The following EFTUD2 variants were observed in gnomAD, a reference collection of about 807,000 sequenced individuals.
EFTUD2 encodes the protein 116 kDa U5 small nuclear ribonucleoprotein component.
EFTUD2 carries 9 observed loss-of-function variants against 114.3 expected under a neutral mutation model. The observed-to-expected ratio is 0.08, with a 90% CI of 0.05 to 0.14. EFTUD2 has a LOEUF of 0.14. Ranked by LOEUF, EFTUD2 falls within the 10% of genes least tolerant of loss-of-function variation. The pLI is 1.00. For missense variants in EFTUD2, 765 were observed against 1,241.2 expected (o/e 0.62, Z 5.76); for synonymous variants, 449 against 462.3 (o/e 0.97, Z 0.37).
At position 44,875,130 on chromosome 17, in the gene EFTUD2, C is replaced by T. The variant is rs554006246; in HGVS notation, c.869+804G>A. Reference sequence around the variant, plus strand: ...TCTGTAATGCTAGCACTTTGGAAGGCCAAGGTGGAAGAATTGCTTGAGGCC... The same window carrying T: ...TCTGTAATGCTAGCACTTTGGAAGGTCAAGGTGGAAGAATTGCTTGAGGCC... On this transcript the variant is annotated intron_variant, in intron 10 of 27. Transcript: ENST00000426333. Among the ~76,000 whole-genome samples the T allele has an allele frequency of 8.6e-5, 13 of 151,950 alleles. No homozygotes were observed. The South Asian group carries it at 2.7e-3, about 32-fold the overall frequency.
At chr17:44,879,937 A>G (rs1358237982) in intron 8 of EFTUD2, among the ~76,000 whole-genome samples, 1 of 152,098 alleles carries the variant, frequency 6.6e-6, no homozygotes, top group Non-Finnish European at 1.5e-5. Flanking sequence ...GTTCTGTGGG[A>G]TTCAAGACAA....
chr17:44,879,985 C>T (rs1392455652), intron 8 of EFTUD2, among the ~76,000 whole-genome samples: 1 of 152,122 alleles, frequency 6.6e-6, no homozygotes, highest in Non-Finnish European at 1.5e-5. Flanking sequence ...GGGCCTGGAG[C>T]ACAGTGTGCT....
intron 1 of EFTUD2, among the ~76,000 whole-genome samples, chr17:44,896,403 T>A (rs1015568446): frequency 6.6e-6 from 1 of 152,228 alleles, no homozygotes; most frequent in African/African-American, 2.4e-5. Context: ...ATCCCAGCAC[T>A]TTGGCAGGCC....
chr17:44,853,443 A>G, intron 24 of EFTUD2, 53 bp from the exon 25 acceptor site: 2 of 1,612,216 alleles, frequency 1.2e-6, no homozygotes, highest in East Asian at 2.2e-5. Flanking sequence ...CTGGGGGCCT[A>G]TAGTCCCACT....
intron 23 of EFTUD2, 66 bp from the exon 24 acceptor site, chr17:44,853,701 T>G (rs2050496843): frequency 6.3e-7 from 1 of 1,593,522 alleles, no homozygotes; most frequent in Admixed American, 1.7e-5. Flanking sequence ...CATGGCAGAG[T>G]AGCAGTCTCC....
At chr17:44,869,667 TGC>T in intron 11 of EFTUD2, among the ~76,000 whole-genome samples, 1 of 152,322 alleles carries the variant, frequency 6.6e-6, no homozygotes, top group East Asian at 1.9e-4. Context: ...TAACACCACC[TGC>T]CTCTATGCCT....
chr17:44,851,385 C>CAATA lies in EFTUD2; in HGVS notation c.2824-17_2824-16insTATT. ...CACTGAGGCCCTGCAGGGAATGGGGCAAATATAAGAAAGCCCGAGGTGGTC... is the reference window on the plus strand; with the variant it reads ...CACTGAGGCCCTGCAGGGAATGGGGCAATAAAATATAAGAAAGCCCGAGGTGGTC... On this transcript the variant is annotated splice_polypyrimidine_tract_variant and intron_variant, in intron 27 of 27. Transcript: ENST00000426333. 6.2e-7 allele frequency: 1 copy of CAATA among 1,604,360 alleles called. No individual in the cohort carries two copies. The highest frequency in any genetic ancestry group is 1.7e-5 in the Admixed American group (1 of 60,002).
chr17:44,859,696 T>A (rs983907774), intron 18 of EFTUD2: 2 of 710,230 alleles, frequency 2.8e-6, no homozygotes, highest in African/African-American at 3.7e-5. Context: ...TGCCCCCTCC[T>A]ACACAGGTCT....
intron 18 of EFTUD2, chr17:44,859,582 G>T (rs1567733060): frequency 2.0e-6 from 1 of 508,676 alleles, no homozygotes; most frequent in Non-Finnish European, 3.6e-6. Flanking sequence ...TCAATTCAAA[G>T]TATACTCATT....
chr17:44,879,514 CA>C lies in EFTUD2; in HGVS notation c.702+41del, dbSNP rs754600241. 4 of 1,605,232 alleles carry C rather than the reference CA, an allele frequency of 2.5e-6. No homozygotes were observed. The South Asian group carries it at 3.3e-5, about 13-fold the overall frequency. On this transcript the variant is annotated intron_variant, in intron 9 of 27. Transcript: ENST00000426333. ...GGTATTGTTGCGGGGTGGGGGCAAA[CA>C]TAACAGGTGGATGAGATTCTGGGAG... is the stretch of plus-strand genomic sequence containing the variant.
chr17:44,894,435 CTCTCTACCCAATTCATCATCATCTTCA>C lies in EFTUD2; in HGVS notation c.60_86del (p.Asp20_Arg28del). The C allele has an allele frequency of 6.2e-7, 1 of 1,613,318 alleles. No individual in the cohort carries two copies. Among genetic ancestry groups the C allele is most frequent in the Non-Finnish European group, 8.5e-7 (1 of 1,179,266 alleles). ...GTTTTACCTCATCAAGATCTTTGGTCTCTCTACCCAATTCATCATCATCTTCATCAGAATCAAGCTCTGGTCCAATAT... is the reference window on the plus strand; with the variant it reads ...GTTTTACCTCATCAAGATCTTTGGTCTCAGAATCAAGCTCTGGTCCAATAT... On this transcript the variant is annotated inframe_deletion, in exon 2 of 28. Transcript: ENST00000426333.
At chr17:44,865,325 C>T (rs2145479313) in intron 13 of EFTUD2, 1 of 409,318 alleles carries the variant, frequency 2.4e-6, no homozygotes, top group Non-Finnish European at 4.4e-6. Flanking sequence ...ACTCCCAGTG[C>T]TGCCCCCTGG....
chr17:44,884,005 G>A, intron 4 of EFTUD2: 1 of 395,678 alleles, frequency 2.5e-6, no homozygotes, highest in South Asian at 2.6e-5. Context: ...GGTGGCTCAT[G>A]CCTGTGATCC....
At chr17:44,855,026 G>T in intron 20 of EFTUD2, 22 bp from the exon 21 acceptor site, 1 of 1,600,046 alleles carries the variant, frequency 6.2e-7, no homozygotes, top group Non-Finnish European at 8.6e-7. Context: ...GGAAATGGGT[G>T]GTAAGGACGG....
intron 2 of EFTUD2, among the ~76,000 whole-genome samples, chr17:44,892,637 T>C: frequency 7.1e-6 from 1 of 141,630 alleles, no homozygotes; most frequent in African/African-American, 2.6e-5. Flanking sequence ...AAACCTTTTT[T>C]TTTTTTTTTT....
Position 44,850,178 on chromosome 17 carries a change from G to GC in EFTUD2, c.*1095dup. 1.7e-6 allele frequency: 1 copy of GC among 593,804 alleles called. No individual in the cohort carries two copies. Among genetic ancestry groups the GC allele is most frequent in the East Asian group, 2.8e-5 (1 of 36,094 alleles). 36.8% of individuals were successfully genotyped at this position (593,804 alleles called of 1,614,324 possible). A position where few individuals can be genotyped will look rare whatever the true frequency, so the allele number is the denominator to read the frequency against. On this transcript the variant is annotated 3_prime_UTR_variant, in exon 28 of 28. Coordinates refer to ENST00000426333, the MANE Select transcript of EFTUD2 (RefSeq NM_004247.4). ...GTTTCCCCAGGTTGTGTGGTCAGAT[G>GC]CTTGAAGCAGCTGTTGGGACCTGGG... is the stretch of plus-strand genomic sequence containing the variant.
intron 13 of EFTUD2, among the ~76,000 whole-genome samples, chr17:44,867,265 T>G (rs926793709): frequency 5.3e-5 from 8 of 151,880 alleles, no homozygotes; most frequent in Non-Finnish European, 7.4e-5. Flanking sequence ...CTAGGAGAAG[T>G]CTTTTCTTTC....
intron 20 of EFTUD2, among the ~76,000 whole-genome samples, chr17:44,856,624 G>A (rs1399061500): frequency 6.6e-6 from 1 of 152,052 alleles, no homozygotes; most frequent in Non-Finnish European, 1.5e-5. Flanking sequence ...GAACACTTGA[G>A]CCCAAAAGTC....
intron 9 of EFTUD2, among the ~76,000 whole-genome samples, chr17:44,878,407 A>C (rs2051008140): frequency 6.6e-6 from 1 of 152,232 alleles, no homozygotes; most frequent in African/African-American, 2.4e-5. Context: ...AACAGCTTCA[A>C]TTCAGAGAGA....
Sources: gnomAD v4.1 joint callset for allele counts (sites outside exome capture counted in the v4.1 genomes callset) on GRCh38, gnomAD v4.1.1 for gene constraint, MANE v1.5 for transcripts, NCBI Gene and HGNC (gene_info 2026-07-23, HGNC 2026-07-21) for gene names.